SEPTIN9: variants seen among roughly 807,000 people sequenced by gnomAD.
The protein encoded by SEPTIN9 is septin 9.
Under a neutral mutation model 56.6 loss-of-function variants are expected in SEPTIN9, and 13 were observed. The ratio of observed to expected loss-of-function variants is 0.23; its 90% CI spans 0.15 to 0.37. SEPTIN9 has a LOEUF of 0.37. Ranked by LOEUF, SEPTIN9 falls within the 10% of genes least tolerant of loss-of-function variation. The pLI is 1.00. For synonymous variants in SEPTIN9, 332 were observed against 334.1 expected, an observed-to-expected ratio of 0.99 and a Z score of 0.07; for missense variants, 650 against 823.1, an observed-to-expected ratio of 0.79 and a Z score of 2.57.
intron 2 of SEPTIN9, among the ~76,000 whole-genome samples, chr17:77,349,946 A>G (rs761168244): frequency 1.1e-4 from 17 of 152,166 alleles, no homozygotes; most frequent in Non-Finnish European, 2.2e-4. Context: ...TGTAAAACCT[A>G]CAGGCTCAAC....
intron 2 of SEPTIN9, among the ~76,000 whole-genome samples, chr17:77,356,535 C>G (rs62080962): frequency 6.7e-6 from 1 of 150,072 alleles, no homozygotes; most frequent in Non-Finnish European, 1.5e-5. Flanking sequence ...GGGAACCAAG[C>G]GAGGTGATAA....
At chr17:77,320,437 G>C (rs1207528895) in intron 2 of SEPTIN9, 1 of 1,178,336 alleles carries the variant, frequency 8.5e-7, no homozygotes, top group Non-Finnish European at 1.3e-6. Flanking sequence ...GCATGCAAAG[G>C]GCGCTTTTGC....
rs201446025 is a variant in SEPTIN9 at position 77,433,133 on chromosome 17, C to CT, written c.721+30436dup. On this transcript the variant is annotated intron_variant, in intron 3 of 11. Coordinates refer to ENST00000427177, the MANE Select transcript of SEPTIN9 (RefSeq NM_001113491.2). The surrounding 1 kb of genome is among the most constrained non-coding windows in gnomAD (Gnocchi z 6.4). ...CTTCAGCCCTCAAGAGAATTTGGAGCTTTTTTGTGCAAAATGAGATGTTCT... is the reference window on the plus strand; with the variant it reads ...CTTCAGCCCTCAAGAGAATTTGGAGCTTTTTTTGTGCAAAATGAGATGTTCT... 0.011 allele frequency among the ~76,000 whole-genome samples: 1,727 copies of CT among 152,274 alleles called. 42 individuals carry two copies. The highest frequency in any genetic ancestry group is 0.039 in the African/African-American group (1,635 of 41,538).
At chr17:77,355,445 T>C (rs1322895392) in intron 2 of SEPTIN9, among the ~76,000 whole-genome samples, 1 of 152,208 alleles carries the variant, frequency 6.6e-6, no homozygotes, top group Non-Finnish European at 1.5e-5. Flanking sequence ...TGGGAGGCTG[T>C]CAAGATTCTG....
intron 4 of SEPTIN9, among the ~76,000 whole-genome samples, chr17:77,484,949 C>A (rs111218849): frequency 1.1e-3 from 1 of 878 alleles, no homozygotes; most frequent in Non-Finnish European, 2.5e-3. Flanking sequence ...GGGAGTGATG[C>A]TGGTGATTGT....
At chr17:77,399,182 C>T (rs558562040) in intron 2 of SEPTIN9, among the ~76,000 whole-genome samples, 2 of 152,304 alleles carry the variant, frequency 1.3e-5, no homozygotes, top group South Asian at 4.1e-4. Context: ...CGTAAGCTCA[C>T]ACCAGGGCAG....
Position 77,402,538 on chromosome 17 carries a change from A to G in SEPTIN9, c.556A>G (p.Lys186Glu), listed in dbSNP as rs771052512. 1 of 1,608,040 alleles carries G rather than the reference A, an allele frequency of 6.2e-7. No homozygotes were observed. Among genetic ancestry groups the G allele is most frequent in the Non-Finnish European group, 8.5e-7 (1 of 1,177,782 alleles). The stretch of plus-strand genomic sequence containing the variant: ...TGCCCCTGCCACCGACGCAGCCCCC[A>G]AGAGGGTGGAGATCCAGATGCCCAA... ...PTAPATDAAPKRVEIQMPKPA... is the reference protein window; with the variant it reads ...PTAPATDAAPERVEIQMPKPA... The change falls in exon 3 of 12, where the codon AAG becomes GAG. Residue 186 changes from lysine (K) to glutamate (E), a missense_variant. Physicochemically the swap from Lys to Glu is moderately conservative, Grantham distance 56. Around this residue, in one of 2 missense-constraint regions of SEPTIN9, gnomAD observed 317 missense variants for 329.1 expected, o/e 0.96. Coordinates refer to ENST00000427177, the MANE Select transcript of SEPTIN9 (RefSeq NM_001113491.2). This position sits in a 1 kb window ranked among gnomAD's most constrained non-coding sequence, Gnocchi z 6.6.
At chr17:77,410,071 G>T (rs528008884) in intron 3 of SEPTIN9, among the ~76,000 whole-genome samples, 1 of 152,176 alleles carries the variant, frequency 6.6e-6, no homozygotes, top group East Asian at 1.9e-4. Flanking sequence ...TCAGTCCAAG[G>T]GGGGCTCCTG....
At chr17:77,285,597 C>T (rs2031240146) in intron 1 of SEPTIN9, among the ~76,000 whole-genome samples, 1 of 151,996 alleles carries the variant, frequency 6.6e-6, no homozygotes, top group Non-Finnish European at 1.5e-5. Flanking sequence ...TGGGGTTTTA[C>T]CATACTGGCC....
Position 77,498,543 on chromosome 17 carries a change from A to G in SEPTIN9, c.1646A>G (p.Lys549Arg). ...LLIRTHMQNI[K>R]DITSSIHFEA... ...CACAGGACGCACATGCAGAACATCA[A>G]GGACATCACCAGCAGCATCCACTTC... Residue 549 changes from lysine (K) to arginine (R), a missense_variant, in exon 12 of 12, where the codon AAG (lysine) becomes AGG (arginine). Lys to Arg is a conservative substitution (Grantham distance 26, BLOSUM62 2). Coordinates refer to ENST00000427177, the MANE Select transcript of SEPTIN9 (RefSeq NM_001113491.2). The G allele has an allele frequency of 7.3e-7, 1 of 1,379,298 alleles. No homozygotes were observed. Among genetic ancestry groups the G allele is most frequent in the Non-Finnish European group, 9.8e-7 (1 of 1,020,306 alleles). 85.4% of individuals were successfully genotyped at this position (1,379,298 alleles called of 1,614,324 possible). A position where few individuals can be genotyped will look rare whatever the true frequency, so the allele number is the denominator to read the frequency against.
intron 2 of SEPTIN9, among the ~76,000 whole-genome samples, chr17:77,309,874 C>T (rs555165344): frequency 4.1e-4 from 62 of 152,364 alleles, no homozygotes; most frequent in Admixed American, 1.2e-3. Context: ...GTGACCTTCT[C>T]CATCCTAGCC....
At chr17:77,303,143 C>A (rs1192100207) in intron 1 of SEPTIN9, among the ~76,000 whole-genome samples, 1 of 151,938 alleles carries the variant, frequency 6.6e-6, no homozygotes, top group South Asian at 2.1e-4. Flanking sequence ...CTCTGTCGCC[C>A]AGGCTGGAGT....
chr17:77,410,828 C>T (rs906702426), intron 3 of SEPTIN9, among the ~76,000 whole-genome samples: 3 of 152,336 alleles, frequency 2.0e-5, no homozygotes, highest in African/African-American at 7.2e-5. Context: ...CCGGTGGTGT[C>T]GCCCCGTGTC....
intron 7 of SEPTIN9, among the ~76,000 whole-genome samples, chr17:77,490,516 C>T (rs751655551): frequency 1.3e-5 from 2 of 152,246 alleles, no homozygotes; most frequent in South Asian, 2.1e-4. Flanking sequence ...GGCCCTGGCC[C>T]GCCTGGCCTG....
At position 77,435,672 on chromosome 17, in the gene SEPTIN9, G is replaced by A. The variant is rs571969695; in HGVS notation, c.721+32969G>A. ...CTAGGGGAGGCGGACGCTTTGGCACGAGGGTGGCGTTTCTGGTAATCCGTA... is the reference window on the plus strand; with the variant it reads ...CTAGGGGAGGCGGACGCTTTGGCACAAGGGTGGCGTTTCTGGTAATCCGTA... On this transcript the variant is annotated intron_variant, in intron 3 of 11. Coordinates refer to ENST00000427177, the MANE Select transcript of SEPTIN9 (RefSeq NM_001113491.2). The surrounding 1 kb of genome is among the most constrained non-coding windows in gnomAD (Gnocchi z 4.5). Among the ~76,000 whole-genome samples, 86 of 152,348 alleles carry A rather than the reference G, an allele frequency of 5.6e-4. No homozygotes were observed. The highest frequency in any genetic ancestry group is 1.9e-3 in the African/African-American group (80 of 41,592).
chr17:77,410,119 G>C (rs907183555), intron 3 of SEPTIN9, among the ~76,000 whole-genome samples: 30 of 152,150 alleles, frequency 2.0e-4, no homozygotes, highest in Non-Finnish European at 3.2e-4. Context: ...AGTAGCCCAT[G>C]GCCAGGGCTG....
chr17:77,360,510 C>T (rs1568013452), intron 2 of SEPTIN9, among the ~76,000 whole-genome samples: 1 of 152,018 alleles, frequency 6.6e-6, no homozygotes, highest in Non-Finnish European at 1.5e-5. Context: ...CATATCAGGC[C>T]TTACCTCCTG....
intron 2 of SEPTIN9, chr17:77,376,241 C>A: frequency 1.0e-6 from 1 of 986,146 alleles, no homozygotes; most frequent in Non-Finnish European, 1.2e-6. Flanking sequence ...CTGTGAAGAT[C>A]ATATGGGCCA....
At chr17:77,379,770 C>T (rs2035071908) in intron 2 of SEPTIN9, among the ~76,000 whole-genome samples, 1 of 152,178 alleles carries the variant, frequency 6.6e-6, no homozygotes, top group Non-Finnish European at 1.5e-5. Flanking sequence ...TAGGCTGGAG[C>T]CCCGGACGAT....
Sources: allele counts gnomAD v4.1 joint callset (sites outside exome capture counted in the v4.1 genomes callset), GRCh38; gene constraint gnomAD v4.1.1; regional missense constraint gnomAD v4.1.1; non-coding constraint Gnocchi (gnomAD v3.1); transcripts MANE v1.5; gene names NCBI Gene and HGNC (gene_info 2026-07-23, HGNC 2026-07-21).